Variants in KCNK13 observed in about 807,000 individuals in gnomAD.
KCNK13 encodes the protein potassium channel subfamily K member 13.
In KCNK13, 12 loss-of-function variants were observed where a neutral mutation model predicts 23.4. The observed-to-expected ratio is 0.51, with a 90% CI of 0.33 to 0.83. KCNK13 has a LOEUF of 0.83. Among genes scored for constraint, KCNK13 ranks in the 40% least tolerant of loss-of-function variants. The probability of loss-of-function intolerance (pLI) is 0.02; values close to 1 mark genes in which losing one functional copy is unlikely to be tolerated. For missense variants in KCNK13, 463 were observed against 556.3 expected (o/e 0.83, Z 1.69); for synonymous variants, 231 against 229.5 (o/e 1.01, Z -0.06).
chr14:90,164,617 A>G (rs1023476940), intron 1 of KCNK13, among the ~76,000 whole-genome samples: 1 of 152,242 alleles, frequency 6.6e-6, no homozygotes, highest in Non-Finnish European at 1.5e-5. Context: ...TTAATGCAGT[A>G]TACCTAGTGG....
At chr14:90,067,034 G>T (rs542888334) in intron 1 of KCNK13, among the ~76,000 whole-genome samples, 1 of 152,250 alleles carries the variant, frequency 6.6e-6, no homozygotes, top group Non-Finnish European at 1.5e-5. Flanking sequence ...ACTTTGGGAG[G>T]CCAAGGCAGG....
Position 90,062,069 on chromosome 14 carries a change from C to T in KCNK13, c.-137C>T. 2.0e-6 allele frequency: 1 copy of T among 509,282 alleles called. No individual in the cohort carries two copies. Among genetic ancestry groups the T allele is most frequent in the Non-Finnish European group, 3.1e-6 (1 of 321,756 alleles). The allele number at this position is 509,282 out of a possible 1,614,324, so 31.5% of individuals were successfully genotyped here. ...GAGCCTCGCGGCCTGCGGGAGAGCC[C>T]GGCGGTCATGGGCGAGCCGGCGGTG... On this transcript the variant is annotated 5_prime_UTR_variant, in exon 1 of 2. Transcript: ENST00000282146. The surrounding 1 kb of genome is among the most constrained non-coding windows in gnomAD (Gnocchi z 4.5).
chr14:90,127,396 TTTTGGGGACAGGACATTTGTTC>T (rs1889813846), intron 1 of KCNK13, among the ~76,000 whole-genome samples: 1 of 151,920 alleles, frequency 6.6e-6, no homozygotes, highest in African/African-American at 2.4e-5. Flanking sequence ...AGCAGTCCTG[TTTTGGGGACAGGACATTTGTTC>T]TTTGGGTAAT....
intron 1 of KCNK13, among the ~76,000 whole-genome samples, chr14:90,106,237 AC>A (rs1332918491): frequency 1.3e-5 from 2 of 152,092 alleles, no homozygotes; most frequent in Non-Finnish European, 2.9e-5. Flanking sequence ...ATTTTGACAT[AC>A]TCTACCATCT....
At chr14:90,085,892 T>C (rs1596771055) in intron 1 of KCNK13, among the ~76,000 whole-genome samples, 1 of 145,630 alleles carries the variant, frequency 6.9e-6, no homozygotes, top group East Asian at 1.9e-4. Flanking sequence ...TCTACCTTTT[T>C]CCTTTTCTTG....
In KCNK13 at chr14:90,159,539, C is replaced by T. The variant is rs549738714; in HGVS notation, c.335-24572C>T. ...GCAAAGGTGTGATTAGATGAGAAAT[C>T]TCCCAAGGTGTACAATGGAAGACCC... On this transcript the variant is annotated intron_variant, in intron 1 of 1. Coordinates refer to ENST00000282146, the MANE Select transcript of KCNK13 (RefSeq NM_022054.4). Among the ~76,000 whole-genome samples the T allele has an allele frequency of 1.9e-3, 283 of 152,310 alleles. 2 individuals are homozygous for T. Among genetic ancestry groups the T allele is most frequent in the Non-Finnish European group, 2.4e-4 (16 of 68,034 alleles).
intron 1 of KCNK13, among the ~76,000 whole-genome samples, chr14:90,183,286 T>G (rs959922259): frequency 3.3e-5 from 5 of 152,194 alleles, no homozygotes; most frequent in Admixed American, 1.3e-4. Flanking sequence ...GTTTGAAGAA[T>G]TTTGTTTAAA....
At chr14:90,076,951 C>T (rs918324035) in intron 1 of KCNK13, among the ~76,000 whole-genome samples, 5 of 152,104 alleles carry the variant, frequency 3.3e-5, no homozygotes, top group African/African-American at 4.8e-5. Flanking sequence ...TCCCGAGTAG[C>T]TGGGACTACA....
At chr14:90,076,708 G>A (rs1027504438) in intron 1 of KCNK13, among the ~76,000 whole-genome samples, 5 of 152,142 alleles carry the variant, frequency 3.3e-5, no homozygotes, top group African/African-American at 7.2e-5. Context: ...GTACCTCCTG[G>A]AAAAATAAAA....
At chr14:90,074,141 T>A (rs764337273) in intron 1 of KCNK13, among the ~76,000 whole-genome samples, 14 of 152,056 alleles carry the variant, frequency 9.2e-5, no homozygotes, top group Non-Finnish European at 1.6e-4. Context: ...GGCTAATTTT[T>A]GTATTTTTGA....
intron 1 of KCNK13, among the ~76,000 whole-genome samples, chr14:90,168,912 C>A (rs1300271219): frequency 1.3e-5 from 2 of 152,128 alleles, no homozygotes; most frequent in Non-Finnish European, 2.9e-5. Context: ...GTGAGTAAGT[C>A]TCATGAGATC....
chr14:90,089,610 A>G (rs1889319273), intron 1 of KCNK13, among the ~76,000 whole-genome samples: 2 of 152,242 alleles, frequency 1.3e-5, no homozygotes, highest in South Asian at 2.1e-4. Context: ...ACGAGGAGCC[A>G]AATGTTAATC....
At chr14:90,127,816 CTAAAAAAA>C (rs1488341081) in intron 1 of KCNK13, among the ~76,000 whole-genome samples, 5 of 42,184 alleles carry the variant, frequency 1.2e-4, no homozygotes, top group African/African-American at 3.5e-4. Flanking sequence ...AAGATGCTAT[CTAAAAAAA>C]AAAAAAAAAA....
chr14:90,159,822 G>A (rs1017615796), intron 1 of KCNK13, among the ~76,000 whole-genome samples: 1 of 152,194 alleles, frequency 6.6e-6, no homozygotes, highest in African/African-American at 2.4e-5. Context: ...CATTGCTGGG[G>A]TTTAAATTCC....
At chr14:90,079,160 A>G (rs1286908) in intron 1 of KCNK13, among the ~76,000 whole-genome samples, 39,214 of 152,046 alleles carry the variant, frequency 0.26, 5,485 homozygotes, top group Non-Finnish European at 0.32. Flanking sequence ...TCACGTCGAC[A>G]TGCTAGGTAG....
Position 90,180,607 on chromosome 14 carries a change from A to G in KCNK13, c.335-3504A>G, listed in dbSNP as rs541984030. On this transcript the variant is annotated intron_variant, in intron 1 of 1. Coordinates refer to ENST00000282146, the MANE Select transcript of KCNK13 (RefSeq NM_022054.4). ...CAGTAGATAACCAAAAGTCATGATT[A>G]TCCCTCCTTTAACAAAATTGAATAT... 3.3e-5 allele frequency among the ~76,000 whole-genome samples: 5 copies of G among 152,330 alleles called. No individual in the cohort carries two copies. In the South Asian group the frequency reaches 1.0e-3, roughly 32 times the overall value.
chr14:90,089,821 G>T (rs1458018399), intron 1 of KCNK13, among the ~76,000 whole-genome samples: 1 of 152,228 alleles, frequency 6.6e-6, no homozygotes, highest in African/African-American at 2.4e-5. Context: ...GTACAGCTCA[G>T]GCTGTGGCTT....
intron 1 of KCNK13, among the ~76,000 whole-genome samples, chr14:90,100,696 G>T (rs1034169651): frequency 6.6e-6 from 1 of 152,132 alleles, no homozygotes; most frequent in Non-Finnish European, 1.5e-5. Context: ...GCACTAGGTT[G>T]GTTGGTTTTT....
intron 1 of KCNK13, among the ~76,000 whole-genome samples, chr14:90,151,822 T>A (rs1799733950): frequency 6.6e-6 from 1 of 152,210 alleles, no homozygotes; most frequent in Admixed American, 6.5e-5. Context: ...AAGGGTCCAG[T>A]TTCATTCTTC....
Sources: allele counts gnomAD v4.1 joint callset (sites outside exome capture counted in the v4.1 genomes callset), GRCh38; gene constraint gnomAD v4.1.1; non-coding constraint Gnocchi (gnomAD v3.1); transcripts MANE v1.5; gene names NCBI Gene and HGNC (gene_info 2026-07-23, HGNC 2026-07-21).